Variants in TRAPPC12 observed in about 807,000 individuals in gnomAD.
The protein encoded by TRAPPC12 is trafficking protein particle complex subunit 12.
A neutral mutation model predicts 69.2 loss-of-function variants in TRAPPC12; 61 were observed. The ratio of observed to expected loss-of-function variants is 0.88; its 90% CI spans 0.72 to 1.09. The LOEUF (loss-of-function observed/expected upper bound fraction) is 1.09. TRAPPC12 is among the 50% of genes least tolerant of loss of function. TRAPPC12 has a pLI of 0.00. For missense variants in TRAPPC12, 1,101 were observed against 1,016.4 expected (o/e 1.08, Z -1.13); for synonymous variants, 469 against 438.9 (o/e 1.07, Z -0.86).
intron 4 of TRAPPC12, among the ~76,000 whole-genome samples, chr2:3,423,428 C>T (rs1469633757): frequency 6.6e-6 from 1 of 151,974 alleles, no homozygotes; most frequent in Non-Finnish European, 1.5e-5. Flanking sequence ...TACAATAGAT[C>T]TCTTGAGCTT....
In TRAPPC12 at chr2:3,401,816, GA is replaced by G; in HGVS notation, c.1092del (p.Ala365LeufsTer8). ...VKDLMLRFLG[E>X]KAAAKRQVLN... is the part of the protein sequence containing the mutation. ...AGACTTGATGCTTCGCTTTCTGGGT[GA>G]AAAAGCTGCAGCAAAGAGACAAGTC... On this transcript the variant is annotated frameshift_variant, in exon 3 of 12. Coordinates refer to ENST00000324266, the MANE Select transcript of TRAPPC12 (RefSeq NM_016030.6). LOFTEE classifies it high-confidence loss of function. 1.2e-6 allele frequency: 2 copies of G among 1,600,478 alleles called. No homozygotes were observed. The highest frequency in any genetic ancestry group is 8.5e-7 in the Non-Finnish European group (1 of 1,175,232).
At chr2:3,459,429 A>T (rs1373046281) in intron 7 of TRAPPC12, among the ~76,000 whole-genome samples, 1 of 152,150 alleles carries the variant, frequency 6.6e-6, no homozygotes, top group Admixed American at 6.5e-5. Flanking sequence ...CCTCCTGGTC[A>T]TCCCAATGAT....
chr2:3,405,177 TG>T (rs201037356), intron 3 of TRAPPC12, among the ~76,000 whole-genome samples: 4 of 92,042 alleles, frequency 4.3e-5, no homozygotes, highest in African/African-American at 8.7e-5. Flanking sequence ...TGTCTTTTTT[TG>T]GGGGGGTGGG....
chr2:3,389,588 C>T (rs191467836), intron 2 of TRAPPC12: 7 of 451,638 alleles, frequency 1.5e-5, no homozygotes, highest in Middle Eastern at 5.1e-4. Flanking sequence ...CATCTGCTGC[C>T]GGACTAACGG....
intron 3 of TRAPPC12, among the ~76,000 whole-genome samples, chr2:3,403,713 A>C (rs1331784928): frequency 6.6e-6 from 1 of 152,268 alleles, no homozygotes; most frequent in Non-Finnish European, 1.5e-5. Context: ...GCTCAGTCCC[A>C]GCTCAGAGGC....
intron 3 of TRAPPC12, among the ~76,000 whole-genome samples, chr2:3,406,999 T>A (rs1288356064): frequency 2.0e-5 from 3 of 152,252 alleles, no homozygotes; most frequent in African/African-American, 7.2e-5. Flanking sequence ...AAAGGATCTT[T>A]ACCTTGCCCT....
At position 3,387,976 on chromosome 2, in the gene TRAPPC12, G is replaced by A. The variant is rs1354646195; in HGVS notation, c.353G>A (p.Cys118Tyr). The A allele has an allele frequency of 4.7e-6, 7 of 1,474,848 alleles. No individual in the cohort carries two copies. The highest frequency in any genetic ancestry group is 6.3e-6 in the Non-Finnish European group (7 of 1,119,178). 91.4% of individuals were successfully genotyped at this position (1,474,848 alleles called of 1,614,324 possible). A position where few individuals can be genotyped will look rare whatever the true frequency, so the allele number is the denominator to read the frequency against. The stretch of plus-strand genomic sequence containing the variant: ...CCCAGCGGCGAGGCCGACGGCGACT[G>A]TGCCCCCGAGGACGCGGCACCCAGT... ...PSPSGEADGD[C>Y]APEDAAPSSG... The change falls in exon 2 of 12, where the codon TGT (cysteine) becomes TAT (tyrosine). Residue 118 changes from cysteine (C) to tyrosine (Y), a missense_variant. By Grantham distance (194) the Cys-to-Tyr change is radical. Transcript: ENST00000324266.
chr2:3,415,163 A>G (rs1357208576), intron 3 of TRAPPC12, among the ~76,000 whole-genome samples: 3 of 152,184 alleles, frequency 2.0e-5, no homozygotes, highest in Non-Finnish European at 1.5e-5. Flanking sequence ...TTTCAACTTT[A>G]TGATGGTGCA....
At chr2:3,479,185 T>C in intron 11 of TRAPPC12, 34 bp from the exon 12 acceptor site, 2 of 1,600,692 alleles carry the variant, frequency 1.2e-6, no homozygotes, top group Non-Finnish European at 1.7e-6. Flanking sequence ...GTCCTGGTTG[T>C]GTGGGCCAAC....
intron 7 of TRAPPC12, chr2:3,458,330 G>C (rs1185217752): frequency 6.1e-6 from 6 of 986,380 alleles, no homozygotes; most frequent in South Asian, 4.7e-5. Flanking sequence ...CCCCACCCTA[G>C]CCTCACTCCC....
intron 8 of TRAPPC12, among the ~76,000 whole-genome samples, chr2:3,463,910 G>A (rs1382553136): frequency 1.3e-5 from 2 of 152,178 alleles, no homozygotes; most frequent in African/African-American, 4.8e-5. Context: ...GCCTAGGGGG[G>A]CAGCTGCTAC....
chr2:3,424,603 A>G lies in TRAPPC12; in HGVS notation c.1357A>G (p.Asn453Asp). 1 of 1,614,118 alleles carries G rather than the reference A, an allele frequency of 6.2e-7. No individual in the cohort carries two copies. Among genetic ancestry groups the G allele is most frequent in the Non-Finnish European group, 8.5e-7 (1 of 1,180,018 alleles). The stretch of plus-strand genomic sequence containing the variant: ...TGAGATGGAATTTGAACCCTTCGGA[A>G]ATCTTGATCAGCCAGATCTTTATTA... ...NAEMEFEPFG[N>D]LDQPDLYYEY... is the part of the protein sequence containing the mutation. The change falls in exon 5 of 12, where the codon AAT becomes GAT. Residue 453 changes from asparagine to aspartate, a missense_variant. Physicochemically the swap from Asn to Asp is conservative, Grantham distance 23. Coordinates refer to ENST00000324266, the MANE Select transcript of TRAPPC12 (RefSeq NM_016030.6).
At chr2:3,471,245 A>C (rs1365985384) in intron 9 of TRAPPC12, among the ~76,000 whole-genome samples, 1 of 152,222 alleles carries the variant, frequency 6.6e-6, no homozygotes, top group Admixed American at 6.5e-5. Context: ...GCACTGAGCA[A>C]AGGGTCACCT....
At chr2:3,408,151 C>CAT (rs1661832163) in intron 3 of TRAPPC12, among the ~76,000 whole-genome samples, 1 of 152,176 alleles carries the variant, frequency 6.6e-6, no homozygotes, top group Non-Finnish European at 1.5e-5. Context: ...CCTCCAAACA[C>CAT]GTGTGCTTGA....
intron 3 of TRAPPC12, among the ~76,000 whole-genome samples, chr2:3,402,468 A>G (rs1661499375): frequency 1.3e-5 from 2 of 152,268 alleles, no homozygotes; most frequent in Admixed American, 6.5e-5. Context: ...GCGTTCCTGT[A>G]ATCCCAGATA....
intron 7 of TRAPPC12, among the ~76,000 whole-genome samples, chr2:3,458,724 G>C (rs1665317674): frequency 6.6e-6 from 1 of 152,204 alleles, no homozygotes; most frequent in African/African-American, 2.4e-5. Flanking sequence ...CCCCTGGTTG[G>C]GCTCCTGCTT....
At chr2:3,424,703 T>C (rs369533098) in intron 5 of TRAPPC12, 40 bp downstream of exon 5, 9 of 1,536,486 alleles carry the variant, frequency 5.9e-6, no homozygotes, top group Middle Eastern at 3.5e-4. Flanking sequence ...TTTGTCTGTG[T>C]GTCGCTCTGG....
rs1388251943 is a variant in TRAPPC12, at chr2:3,387,959, C to T, written c.336C>T (p.Gly112=). ...CCGCGGGCACCCCGAGTCCCAGCGG[C>T]GAGGCCGACGGCGACTGTGCCCCCG... is the stretch of plus-strand genomic sequence containing the variant. The part of the protein sequence containing the change: ...PEPAGTPSPS[G]EADGDCAPED... The change falls in exon 2 of 12, where the codon GGC becomes GGT. Residue 112 remains glycine, a synonymous_variant. Transcript: ENST00000324266. 4.7e-6 allele frequency: 7 copies of T among 1,482,576 alleles called. No individual in the cohort carries two copies. The highest frequency in any genetic ancestry group is 1.9e-4 in the Middle Eastern group (1 of 5,208). The allele number at this position is 1,482,576 out of a possible 1,614,324, so 91.8% of individuals were successfully genotyped here. A position where few individuals can be genotyped will look rare whatever the true frequency, so the allele number is the denominator to read the frequency against.
Position 3,477,716 on chromosome 2 carries a change from G to A in TRAPPC12, c.1798G>A (p.Glu600Lys), listed in dbSNP as rs1666355590. The A allele has an allele frequency of 6.2e-7, 1 of 1,606,302 alleles. No homozygotes were observed. The highest frequency in any genetic ancestry group is 1.3e-5 in the African/African-American group (1 of 74,536). ...GCAGATTGGAGACATAAAAACAGCT[G>A]AAAAGTATTTTCAAGACGTTGAGAA... ...SLQIGDIKTA[E>K]KYFQDVEKVT... Residue 600 changes from glutamate to lysine, a missense_variant, in exon 10 of 12, where the codon GAA becomes AAA. Transcript: ENST00000324266.
Sources: gnomAD v4.1 joint callset for allele counts (sites outside exome capture counted in the v4.1 genomes callset) on GRCh38, gnomAD v4.1.1 for gene constraint, MANE v1.5 for transcripts, NCBI Gene and HGNC (gene_info 2026-07-23, HGNC 2026-07-21) for gene names.